The following BCOR variants were observed in gnomAD, a reference collection of about 807,000 sequenced individuals.
BCOR encodes the protein BCL6 corepressor, also known as BCL-6 corepressor.
BCOR carries 10 observed loss-of-function variants against 86.7 expected under a neutral mutation model. The ratio of observed to expected loss-of-function variants is 0.12; its 90% confidence interval spans 0.07 to 0.20. BCOR has a LOEUF of 0.20. BCOR is among the 10% of genes least tolerant of loss of function. The pLI, the probability that BCOR is intolerant of heterozygous loss-of-function variation, is 1.00. For missense variants in BCOR, 1,259 were observed against 1,452.1 expected, an observed-to-expected ratio of 0.87 and a Z score of 2.16; for synonymous variants, 611 against 609.0, an observed-to-expected ratio of 1.00 and a Z score of -0.05.
chrX:40,115,840 T>C (rs915011308), intron 1 of BCOR, among the ~76,000 whole-genome samples: 2 of 109,162 alleles, frequency 1.8e-5, no homozygotes, highest in South Asian at 3.9e-4. Context: ...CCAGAACAAA[T>C]AGATTCTGTT....
intron 1 of BCOR, among the ~76,000 whole-genome samples, chrX:40,144,932 A>T (rs1415429103): frequency 9.0e-6 from 1 of 110,752 alleles, no homozygotes; most frequent in Non-Finnish European, 1.9e-5. Context: ...AATTTGAAAC[A>T]TCTGCCGAGC....
intron 1 of BCOR, among the ~76,000 whole-genome samples, chrX:40,167,661 G>A (rs1439870270): frequency 4.5e-5 from 5 of 112,224 alleles, no homozygotes; most frequent in African/African-American, 9.7e-5. Context: ...AGCACGTCGT[G>A]ACCGCCTCGC....
rs202240562 is a variant in BCOR at position 40,074,082 on chromosome X, T to C, written c.1264A>G (p.Ser422Gly). 36 of 1,210,811 alleles carry C rather than the reference T, an allele frequency of 3.0e-5. No individual in the cohort carries two copies. The African/African-American group carries it at 5.9e-4, about 20-fold the overall frequency. Residue 422 changes from serine (S) to glycine (G), a missense_variant, in exon 4 of 15, where the codon AGC (serine) becomes GGC (glycine). Ser to Gly is a moderately conservative substitution (Grantham distance 56). This residue lies in a region of BCOR where 534 missense variants were observed against 594.8 expected (regional missense o/e 0.90). Transcript: ENST00000378444. ...KTAVQDRKDGSSPPLLEKQTV... is the reference protein window; with the variant it reads ...KTAVQDRKDGGSPPLLEKQTV... Reference sequence around the variant, plus strand: ...TGCTTCTCCAACAGAGGAGGTGAGCTGCCATCTTTTCTGTCTTGAACCGCT... The same window carrying C: ...TGCTTCTCCAACAGAGGAGGTGAGCCGCCATCTTTTCTGTCTTGAACCGCT...
intron 1 of BCOR, among the ~76,000 whole-genome samples, chrX:40,155,074 G>GGGGGA (rs1356286093): frequency 2.7e-5 from 3 of 110,867 alleles, no homozygotes; most frequent in Non-Finnish European, 5.7e-5. Flanking sequence ...GGAGGGGGTC[G>GGGGGA]GGGGAGGGGC....
chrX:40,124,325 T>C (rs1372210334), intron 1 of BCOR, among the ~76,000 whole-genome samples: 1 of 109,576 alleles, frequency 9.1e-6, no homozygotes, highest in Non-Finnish European at 1.9e-5. Flanking sequence ...CAGGCTGGAG[T>C]GCAGTGGCAC....
At chrX:40,169,427 A>C (rs1332909504) in intron 1 of BCOR, among the ~76,000 whole-genome samples, 1 of 111,807 alleles carries the variant, frequency 8.9e-6, no homozygotes, top group East Asian at 2.8e-4. Flanking sequence ...AAATCGGCCA[A>C]CCATTTAGTT....
intron 1 of BCOR, chrX:40,176,863 C>T (rs900923670): frequency 8.9e-6 from 1 of 112,028 alleles, no homozygotes; most frequent in African/African-American, 3.3e-5. Context: ...GTCGCGGCTT[C>T]CGCTGAGCTG....
At chrX:40,113,339 C>G (rs896895861) in intron 1 of BCOR, among the ~76,000 whole-genome samples, 2 of 106,905 alleles carry the variant, frequency 1.9e-5, no homozygotes, top group East Asian at 5.8e-4. Context: ...CCTGGAAGGT[C>G]CAGACTGCAG....
chrX:40,121,430 G>A (rs1404503606), intron 1 of BCOR, among the ~76,000 whole-genome samples: 1 of 112,585 alleles, frequency 8.9e-6, no homozygotes, highest in African/African-American at 3.2e-5. Flanking sequence ...CTTCCTCTAC[G>A]CCACAGGCCT....
chrX:40,163,852 C>T (rs1435567952), intron 1 of BCOR, among the ~76,000 whole-genome samples: 1 of 110,149 alleles, frequency 9.1e-6, no homozygotes, highest in Admixed American at 9.7e-5. Flanking sequence ...GCTAAAACCC[C>T]GTCTCTACTA....
At chrX:40,116,040 A>G (rs752844304) in intron 1 of BCOR, among the ~76,000 whole-genome samples, 77 of 111,630 alleles carry the variant, frequency 6.9e-4, no homozygotes, top group African/African-American at 2.3e-3. Context: ...CTCATCACAC[A>G]GCTCTTCTGA....
At position 40,073,533 on chromosome X, in the gene BCOR, G is replaced by T. The variant is rs772708619; in HGVS notation, c.1813C>A (p.Pro605Thr). ...IQHVGQPPAT[P>T]AKHSSSTSSK... ...CTGGTGCTGCTACTGTGCTTGGCAG[G>T]AGTGGCCGGGGGCTGGCCCACGTGC... The change falls in exon 4 of 15, where the codon CCT becomes ACT. Residue 605 changes from proline (P) to threonine (T), a missense_variant. Physicochemically the swap from Pro to Thr is conservative, Grantham distance 38 (BLOSUM62 -1). This residue lies in a region of BCOR where 534 missense variants were observed against 594.8 expected (regional missense o/e 0.90). Transcript: ENST00000378444. 4 of 1,211,312 alleles carry T rather than the reference G, an allele frequency of 3.3e-6. No homozygotes were observed. In the Admixed American group the frequency reaches 8.7e-5, roughly 26 times the overall value.
At chrX:40,152,156 A>T (rs1028006553) in intron 1 of BCOR, among the ~76,000 whole-genome samples, 5 of 110,807 alleles carry the variant, frequency 4.5e-5, no homozygotes, top group Admixed American at 1.9e-4. Flanking sequence ...CCTCCAAGTC[A>T]CTAGAGTATT....
At chrX:40,110,229 G>A (rs925712556) in intron 1 of BCOR, among the ~76,000 whole-genome samples, 1 of 111,286 alleles carries the variant, frequency 9.0e-6, no homozygotes, top group South Asian at 3.7e-4. Context: ...GCCTCCTTAT[G>A]AATCATTATG....
chrX:40,142,999 T>A (rs1033652762), intron 1 of BCOR, among the ~76,000 whole-genome samples: 2 of 112,104 alleles, frequency 1.8e-5, no homozygotes, highest in Non-Finnish European at 3.8e-5. Flanking sequence ...CAAGGACCCC[T>A]CTCGGGTTGA....
chrX:40,126,787 G>A (rs1181127421), intron 1 of BCOR, among the ~76,000 whole-genome samples: 1 of 108,739 alleles, frequency 9.2e-6, no homozygotes, highest in Non-Finnish European at 1.9e-5. Flanking sequence ...CCTGAGAGGT[G>A]GAGGTTGCAG....
At chrX:40,150,677 G>T (rs980245011) in intron 1 of BCOR, among the ~76,000 whole-genome samples, 5 of 111,663 alleles carry the variant, frequency 4.5e-5, no homozygotes, top group African/African-American at 1.6e-4. Context: ...CCCCGGTGGT[G>T]GTTCCTACAC....
At position 40,073,436 on chromosome X, in the gene BCOR, G is replaced by C. The variant is rs148052848; in HGVS notation, c.1910C>G (p.Ser637Cys). 8 of 1,211,320 alleles carry C rather than the reference G, an allele frequency of 6.6e-6. No individual in the cohort carries two copies. In the Middle Eastern group the frequency reaches 9.1e-4, roughly 138 times the overall value. Reference sequence around the variant, plus strand: ...TGCCTCATTTGGAGACAGAAATATAGAGCTTGGTGGAAGGCCGTTCTCGTT... The same window carrying C: ...TGCCTCATTTGGAGACAGAAATATACAGCTTGGTGGAAGGCCGTTCTCGTT... ...KANENGLPPS[S>C]IFLSPNEAFR... is the part of the protein sequence containing the mutation. The change falls in exon 4 of 15, where the codon TCT (serine) becomes TGT (cysteine). Residue 637 changes from serine to cysteine, a missense_variant. Around this residue, in one of 7 missense-constraint regions of BCOR, gnomAD observed 534 missense variants for 594.8 expected, o/e 0.90. Coordinates refer to ENST00000378444, the MANE Select transcript of BCOR (RefSeq NM_001123385.2).
intron 6 of BCOR, chrX:40,067,906 G>A (rs1011082356): frequency 8.9e-6 from 1 of 111,837 alleles, no homozygotes; most frequent in Admixed American, 9.4e-5. Flanking sequence ...TACTCTTGAG[G>A]GCAAAGGAGA....
Sources: gnomAD v4.1 joint callset for allele counts (sites outside exome capture counted in the v4.1 genomes callset) on GRCh38, gnomAD v4.1.1 for gene constraint, gnomAD v4.1.1 regional missense constraint, MANE v1.5 for transcripts, NCBI Gene and HGNC (gene_info 2026-07-23, HGNC 2026-07-21) for gene names.